The following DCUN1D2 variants were observed in gnomAD, a reference collection of about 807,000 sequenced individuals.
The protein encoded by DCUN1D2 is DCN1-like protein 2.
A neutral mutation model predicts 30.9 loss-of-function variants in DCUN1D2; 29 were observed. The observed-to-expected ratio is 0.94, with a 90% CI of 0.70 to 1.28. The LOEUF is 1.28. DCUN1D2 is among the 50% of genes most tolerant of loss of function. DCUN1D2 has a pLI of 0.00. For missense variants in DCUN1D2, 325 were observed against 316.9 expected, an observed-to-expected ratio of 1.03 and a Z score of -0.19; for synonymous variants, 121 against 115.3, an observed-to-expected ratio of 1.05 and a Z score of -0.32.
intron 3 of DCUN1D2, chr13:113,480,342 AC>A (rs1425069623): frequency 2.9e-5 from 11 of 376,728 alleles, no homozygotes; most frequent in African/African-American, 2.3e-4. Context: ...AAAATGAGTT[AC>A]AAAAGGGATT....
intron 4 of DCUN1D2, among the ~76,000 whole-genome samples, chr13:113,471,453 C>T (rs1023063643): frequency 3.3e-5 from 5 of 152,196 alleles, no homozygotes; most frequent in Admixed American, 6.5e-5. Flanking sequence ...AAACCAAATA[C>T]AAGGAACAGA....
rs183876255 is a variant in DCUN1D2, at chr13:113,485,297, T to C, written c.4-1241A>G. On this transcript the variant is annotated intron_variant, in intron 1 of 6. Coordinates refer to ENST00000478244, the MANE Select transcript of DCUN1D2 (RefSeq NM_001014283.2). ...GTTCAAATAAAGATGAGACAACTTA[T>C]AAAAACACATGGAATGATTTATAAC... Among the ~76,000 whole-genome samples the C allele has an allele frequency of 3.3e-3, 509 of 152,188 alleles. 1 individual carries two copies. Among genetic ancestry groups the C allele is most frequent in the African/African-American group, 0.012 (489 of 41,506 alleles).
intron 1 of DCUN1D2, 136 bp from the exon 2 acceptor site, chr13:113,484,192 G>A: frequency 6.8e-7 from 1 of 1,461,566 alleles, no homozygotes; most frequent in Non-Finnish European, 9.0e-7. Context: ...AGACTGCACA[G>A]TCTTCTGAAA....
chr13:113,458,528 G>C (rs1000989974), intron 6 of DCUN1D2, among the ~76,000 whole-genome samples: 14 of 152,178 alleles, frequency 9.2e-5, no homozygotes, highest in African/African-American at 3.4e-4. Flanking sequence ...TCCCCACCCC[G>C]GCAGCCCTGA....
In DCUN1D2 at chr13:113,490,075, A is replaced by G. The variant is rs1204681000; in HGVS notation, c.3+592T>C. ...CCACATTTCAAAGTAACTGATGTGC[A>G]CCTCCAGCAGCCTCCCTCCTGCGCT... On this transcript the variant is annotated intron_variant, in intron 1 of 6. Transcript: ENST00000478244. The surrounding 1 kb of genome is among the most constrained non-coding windows in gnomAD (Gnocchi z 5.2). 1.3e-5 allele frequency among the ~76,000 whole-genome samples: 2 copies of G among 151,914 alleles called. No homozygotes were observed. Among genetic ancestry groups the G allele is most frequent in the Non-Finnish European group, 2.9e-5 (2 of 67,958 alleles).
At chr13:113,472,820 G>A (rs1367260863) in intron 4 of DCUN1D2, among the ~76,000 whole-genome samples, 4 of 152,336 alleles carry the variant, frequency 2.6e-5, no homozygotes, top group Admixed American at 6.5e-5. Flanking sequence ...CACCCAAGAG[G>A]CAAAGCGAGG....
intron 4 of DCUN1D2, among the ~76,000 whole-genome samples, chr13:113,468,560 AC>A (rs1369710761): frequency 6.6e-6 from 1 of 150,722 alleles, no homozygotes. Flanking sequence ...GGGGAAATAA[AC>A]CCCCAAGGAC....
intron 3 of DCUN1D2, 51 bp from the exon 4 acceptor site, chr13:113,474,305 G>T: frequency 6.2e-7 from 1 of 1,602,440 alleles, no homozygotes; most frequent in South Asian, 1.1e-5. Flanking sequence ...CTCCCTAGTC[G>T]ACTCCCCTTG....
chr13:113,465,211 T>C (rs146555120), intron 4 of DCUN1D2, among the ~76,000 whole-genome samples: 1 of 152,216 alleles, frequency 6.6e-6, no homozygotes, highest in South Asian at 2.1e-4. Flanking sequence ...AAAAGTTTTA[T>C]CATTCACTGA....
chr13:113,463,694 T>C (rs2044355123), intron 4 of DCUN1D2, among the ~76,000 whole-genome samples: 1 of 152,088 alleles, frequency 6.6e-6, no homozygotes, highest in Admixed American at 6.6e-5. Flanking sequence ...TCATCTTACA[T>C]AAAAACAATA....
Position 113,483,840 on chromosome 13 carries a change from C to A in DCUN1D2, c.220G>T (p.Asp74Tyr). ...KLERLYGRYK[D>Y]PQDENKIGVD... ...CGGCTTTGCTGCAGTCTCCTCTTAC[C>A]TTTGTACCTGCCGTACAGCCGCTCC... Residue 74 changes from aspartate to tyrosine, a missense_variant and splice_region_variant, in exon 2 of 7, where the codon GAT becomes TAT. Transcript: ENST00000478244. The A allele has an allele frequency of 6.2e-7, 1 of 1,612,146 alleles. No individual in the cohort carries two copies. Among genetic ancestry groups the A allele is most frequent in the Non-Finnish European group, 8.5e-7 (1 of 1,179,998 alleles).
chr13:113,466,296 C>G (rs1430814746), intron 4 of DCUN1D2, among the ~76,000 whole-genome samples: 2 of 152,000 alleles, frequency 1.3e-5, no homozygotes, highest in Non-Finnish European at 2.9e-5. Flanking sequence ...GCCTTAGCCT[C>G]TTAGAAAGAA....
intron 6 of DCUN1D2, among the ~76,000 whole-genome samples, chr13:113,459,105 C>T (rs1324870612): frequency 6.6e-6 from 1 of 152,182 alleles, no homozygotes; most frequent in Non-Finnish European, 1.5e-5. Context: ...TTCTGAAATG[C>T]TTTGGCTTAG....
chr13:113,486,906 C>T (rs952750171), intron 1 of DCUN1D2, among the ~76,000 whole-genome samples: 2 of 152,180 alleles, frequency 1.3e-5, no homozygotes, highest in African/African-American at 4.8e-5. Context: ...AGCAGACAGC[C>T]GTAGGCTGTG....
chr13:113,457,762 T>C lies in DCUN1D2; in HGVS notation c.*267A>G. ...TGGCTCTACCTTAGTATTTTGTAAA[T>C]ATTAAAAAATCATGCAGAAATTTCC... On this transcript the variant is annotated 3_prime_UTR_variant, in exon 7 of 7. Coordinates refer to ENST00000478244, the MANE Select transcript of DCUN1D2 (RefSeq NM_001014283.2). 1 of 404,290 alleles carries C rather than the reference T, an allele frequency of 2.5e-6. No individual in the cohort carries two copies. Among genetic ancestry groups the C allele is most frequent in the East Asian group, 4.1e-5 (1 of 24,214 alleles). 25.0% of individuals were successfully genotyped at this position (404,290 alleles called of 1,614,324 possible). A position where few individuals can be genotyped will look rare whatever the true frequency, so the allele number is the denominator to read the frequency against.
chr13:113,458,175 C>T, intron 6 of DCUN1D2, 67 bp from the exon 7 acceptor site: 1 of 1,282,744 alleles, frequency 7.8e-7, no homozygotes. Context: ...CACTGAGTCA[C>T]ACATCAATCC....
chr13:113,468,735 A>G (rs2044451195), intron 4 of DCUN1D2, among the ~76,000 whole-genome samples: 1 of 152,204 alleles, frequency 6.6e-6, no homozygotes, highest in African/African-American at 2.4e-5. Context: ...ATAAAAGCAG[A>G]TGCAGCAATT....
intron 4 of DCUN1D2, among the ~76,000 whole-genome samples, chr13:113,469,771 C>G (rs966729341): frequency 6.8e-6 from 1 of 148,068 alleles, no homozygotes; most frequent in Non-Finnish European, 1.5e-5. Flanking sequence ...CCCAAGAATT[C>G]GAGGCTGCAG....
At chr13:113,489,031 G>A (rs979926520) in intron 1 of DCUN1D2, 6 of 729,260 alleles carry the variant, frequency 8.2e-6, no homozygotes, top group Non-Finnish European at 1.0e-5. Context: ...TGGCACCAAG[G>A]ATACCCATAT....
Sources: allele counts gnomAD v4.1 joint callset (sites outside exome capture counted in the v4.1 genomes callset), GRCh38; gene constraint gnomAD v4.1.1; non-coding constraint Gnocchi (gnomAD v3.1); transcripts MANE v1.5; gene names NCBI Gene and HGNC (gene_info 2026-07-23, HGNC 2026-07-21).